ARID2: variants seen among roughly 807,000 people sequenced by gnomAD.
ARID2 encodes AT-rich interactive domain-containing protein 2.
Under a neutral mutation model 184.6 loss-of-function variants are expected in ARID2, and 32 were observed. The observed-to-expected ratio is 0.17, with a 90% confidence interval of 0.13 to 0.23. The LOEUF is 0.23. Among genes scored for constraint, ARID2 ranks in the 10% least tolerant of loss-of-function variants. The pLI is 1.00. For synonymous variants in ARID2, 836 were observed against 772.6 expected, an observed-to-expected ratio of 1.08 and a Z score of -1.36; for missense variants, 1,696 against 2,197.6, an observed-to-expected ratio of 0.77 and a Z score of 4.56.
intron 3 of ARID2, among the ~76,000 whole-genome samples, chr12:45,793,826 A>T (rs11183205): frequency 0.082 from 12,113 of 147,368 alleles, 667 homozygotes; most frequent in Middle Eastern, 0.13. Context: ...TGCTGGTTTT[A>T]AAAAAAAAAG....
At chr12:45,766,941 C>T (rs1388042144) in intron 3 of ARID2, among the ~76,000 whole-genome samples, 4 of 151,138 alleles carry the variant, frequency 2.6e-5, no homozygotes, top group Non-Finnish European at 5.9e-5. Context: ...GCACTCCAGC[C>T]TGGGCAACAA....
chr12:45,836,082 T>C (rs1943216307), intron 6 of ARID2, among the ~76,000 whole-genome samples: 1 of 152,196 alleles, frequency 6.6e-6, no homozygotes, highest in South Asian at 2.1e-4. Context: ...TTTATATAAG[T>C]ATCTGAAACT....
chr12:45,856,067 C>CTTTTTTTTTTTTTTT (rs930473740), intron 15 of ARID2, among the ~76,000 whole-genome samples: 11 of 74,630 alleles, frequency 1.5e-4, no homozygotes, highest in Non-Finnish European at 2.6e-4. Flanking sequence ...TTCTTCTTTT[C>CTTTTTTTTTTTTTTT]TTTTTTTTTT....
chr12:45,880,856 G>T (rs1592138566), intron 16 of ARID2: 2 of 166,878 alleles, frequency 1.2e-5, no homozygotes, highest in East Asian at 3.2e-4. Context: ...TTGGATTCAA[G>T]ACAACTGTCA....
chr12:45,820,795 G>T (rs1942882072), intron 5 of ARID2, among the ~76,000 whole-genome samples: 1 of 152,132 alleles, frequency 6.6e-6, no homozygotes, highest in Non-Finnish European at 1.5e-5. Flanking sequence ...GTTTTTTGGT[G>T]GGGAAGTGAG....
At position 45,745,582 on chromosome 12, in the gene ARID2, A is replaced by G. The variant is rs116671483; in HGVS notation, c.284+14268A>G. On this transcript the variant is annotated intron_variant, in intron 3 of 20. Coordinates refer to ENST00000334344, the MANE Select transcript of ARID2 (RefSeq NM_152641.4). ...ATTATTTTTGAGACAAAGTCTCACT[A>G]TGTCACCCAGGCTAGAATGCAGTGG... is the stretch of plus-strand genomic sequence containing the variant. Among the ~76,000 whole-genome samples, 420 of 152,244 alleles carry G rather than the reference A, an allele frequency of 2.8e-3. 3 individuals are homozygous for G. The highest frequency in any genetic ancestry group is 9.4e-3 in the African/African-American group (391 of 41,532).
intron 2 of ARID2, among the ~76,000 whole-genome samples, chr12:45,730,380 G>T (rs1455788114): frequency 1.4e-5 from 2 of 145,922 alleles, no homozygotes; most frequent in Non-Finnish European, 3.0e-5. Flanking sequence ...CTCGCGCCCT[G>T]CCCGGTGCCC....
intron 16 of ARID2, 118 bp downstream of exon 16, chr12:45,861,067 C>T (rs930943250): frequency 3.3e-5 from 28 of 861,290 alleles, no homozygotes; most frequent in Admixed American, 7.6e-5. Context: ...CTAACTTTAG[C>T]GAAACTACAA....
chr12:45,769,965 A>G (rs1322126446), intron 3 of ARID2, among the ~76,000 whole-genome samples: 1 of 152,186 alleles, frequency 6.6e-6, no homozygotes, highest in African/African-American at 2.4e-5. Context: ...TTTGAAAAAT[A>G]AAGGCAAGGC....
chr12:45,825,208 G>A (rs1485998006), intron 6 of ARID2, among the ~76,000 whole-genome samples: 3 of 151,994 alleles, frequency 2.0e-5, no homozygotes, highest in Non-Finnish European at 4.4e-5. Flanking sequence ...GTTATCAATA[G>A]TTTATATTTC....
At chr12:45,876,532 C>T (rs1197771685) in intron 16 of ARID2, among the ~76,000 whole-genome samples, 1 of 128,852 alleles carries the variant, frequency 7.8e-6, no homozygotes, top group Non-Finnish European at 1.6e-5. Flanking sequence ...GCCTGGGCAA[C>T]AAGAGCGAAA....
In ARID2 at chr12:45,817,589, G is replaced by A. The variant is rs988566334; in HGVS notation, c.419-81G>A. ...TATATATTATATATATATATTTAAA[G>A]CTGTGTTCTGTATTCAAGGGATATT... On this transcript the variant is annotated intron_variant, in intron 4 of 20. Coordinates refer to ENST00000334344, the MANE Select transcript of ARID2 (RefSeq NM_152641.4). The A allele has an allele frequency of 1.9e-5, 9 of 471,634 alleles. No individual in the cohort carries two copies. The East Asian group carries it at 2.7e-4, about 14-fold the overall frequency. 29.2% of individuals were successfully genotyped at this position (471,634 alleles called of 1,614,324 possible).
chr12:45,849,984 G>T, intron 14 of ARID2, 52 bp from the exon 15 acceptor site: 2 of 1,538,012 alleles, frequency 1.3e-6, no homozygotes, highest in South Asian at 1.3e-5. Flanking sequence ...ATTCCTACTT[G>T]GGATTTTCAG....
chr12:45,765,749 G>A (rs1941760399), intron 3 of ARID2, among the ~76,000 whole-genome samples: 1 of 152,094 alleles, frequency 6.6e-6, no homozygotes, highest in Non-Finnish European at 1.5e-5. Flanking sequence ...GTTTCGACAT[G>A]TGTATCCTGT....
chr12:45,763,426 C>G (rs1941716706), intron 3 of ARID2, among the ~76,000 whole-genome samples: 1 of 151,748 alleles, frequency 6.6e-6, no homozygotes, highest in Non-Finnish European at 1.5e-5. Flanking sequence ...GCCAAGACCG[C>G]TCCATTCCAT....
At chr12:45,734,286 T>A (rs998433050) in intron 3 of ARID2, among the ~76,000 whole-genome samples, 3 of 152,216 alleles carry the variant, frequency 2.0e-5, no homozygotes, top group Non-Finnish European at 4.4e-5. Context: ...GGAGAACTGC[T>A]TGAGCCCGGG....
In ARID2 at chr12:45,893,447, A is replaced by C. The variant is rs1287903293; in HGVS notation, c.5175A>C (p.Ser1725=). 1 of 1,613,766 alleles carries C rather than the reference A, an allele frequency of 6.2e-7. No homozygotes were observed. Among genetic ancestry groups the C allele is most frequent in the African/African-American group, 1.3e-5 (1 of 74,896 alleles). The change falls in exon 19 of 21, where the codon TCA becomes TCC. Residue 1725 remains serine, a synonymous_variant. Transcript: ENST00000334344. ...AGCCAACTGTAGGGGGCACAAGCTCAACTCCTAGAGCACAAAAGGCCATTG... is the reference window on the plus strand; with the variant it reads ...AGCCAACTGTAGGGGGCACAAGCTCCACTCCTAGAGCACAAAAGGCCATTG... ...TKQPTVGGTS[S]TPRAQKAIVN...
intron 3 of ARID2, among the ~76,000 whole-genome samples, chr12:45,744,140 T>C (rs1215883276): frequency 6.6e-6 from 1 of 152,232 alleles, no homozygotes; most frequent in Non-Finnish European, 1.5e-5. Context: ...GCAATGTTAA[T>C]TAGTAGGGAA....
intron 10 of ARID2, 38 bp from the exon 11 acceptor site, chr12:45,839,291 A>G (rs1273382408): frequency 1.3e-6 from 2 of 1,540,302 alleles, no homozygotes; most frequent in Non-Finnish European, 8.8e-7. Flanking sequence ...CATTTATAAT[A>G]TTATTGACTA....
Sources: gnomAD v4.1 joint callset for allele counts (sites outside exome capture counted in the v4.1 genomes callset) on GRCh38, gnomAD v4.1.1 for gene constraint, MANE v1.5 for transcripts, NCBI Gene and HGNC (gene_info 2026-07-23, HGNC 2026-07-21) for gene names.